Variants in LHPP observed in about 807,000 individuals in gnomAD.
LHPP encodes the protein phospholysine phosphohistidine inorganic pyrophosphate phosphatase.
In LHPP, 24 loss-of-function variants were observed where a neutral mutation model predicts 30.3. That is an observed-to-expected ratio of 0.79 (90% CI 0.57 to 1.11). The LOEUF (loss-of-function observed/expected upper bound fraction) is 1.11, where lower values mean the gene tolerates loss of function less well. Ranked by LOEUF, LHPP falls within the 50% of genes most tolerant of loss-of-function variation. The probability of loss-of-function intolerance (pLI) is 0.00; values close to 1 mark genes in which losing one functional copy is unlikely to be tolerated. For synonymous variants in LHPP, 150 were observed against 157.1 expected, an observed-to-expected ratio of 0.95 and a Z score of 0.34; for missense variants, 356 against 367.2, an observed-to-expected ratio of 0.97 and a Z score of 0.25.
At position 124,509,115 on chromosome 10, in the gene LHPP, A is replaced by G. The variant is rs573613989; in HGVS notation, c.625-8065A>G. On this transcript the variant is annotated intron_variant, in intron 5 of 6. Transcript: ENST00000368842. The stretch of plus-strand genomic sequence containing the variant: ...ATTTAGCCCCCACTTATAAGTGCAA[A>G]CACACAGTATTTGGTTTTCTGTTCC... Among the ~76,000 whole-genome samples, 3 of 152,200 alleles carry G rather than the reference A, an allele frequency of 2.0e-5. No individual in the cohort carries two copies. In the South Asian group the frequency reaches 6.2e-4, roughly 32 times the overall value.
At chr10:124,465,024 G>A (rs1277416662) in intron 1 of LHPP, among the ~76,000 whole-genome samples, 1 of 152,166 alleles carries the variant, frequency 6.6e-6, no homozygotes, top group East Asian at 1.9e-4. Context: ...TCACAGGTGG[G>A]CACACGGGTA....
intron 6 of LHPP, among the ~76,000 whole-genome samples, chr10:124,538,347 G>A (rs1308763046): frequency 6.6e-6 from 1 of 152,220 alleles, no homozygotes; most frequent in Non-Finnish European, 1.5e-5. Context: ...CTTCCTGGCA[G>A]TGAGGTCTCC....
At chr10:124,536,200 C>A (rs969575403) in intron 6 of LHPP, among the ~76,000 whole-genome samples, 6 of 152,246 alleles carry the variant, frequency 3.9e-5, no homozygotes, top group Non-Finnish European at 7.3e-5. Flanking sequence ...CTTGGGCCTG[C>A]CTTTTGGCTT....
chr10:124,499,705 CTG>C (rs1953846266), intron 5 of LHPP, among the ~76,000 whole-genome samples: 2 of 151,928 alleles, frequency 1.3e-5, no homozygotes, highest in Non-Finnish European at 2.9e-5. Context: ...GGCTGTCCTG[CTG>C]CCTCCTCAGA....
At chr10:124,530,084 A>G (rs909318795) in intron 6 of LHPP, among the ~76,000 whole-genome samples, 10 of 152,048 alleles carry the variant, frequency 6.6e-5, no homozygotes, top group African/African-American at 2.2e-4. Flanking sequence ...GGACACCCCA[A>G]TGCGGGGAGG....
intron 6 of LHPP, among the ~76,000 whole-genome samples, chr10:124,525,198 T>C (rs1393975166): frequency 6.6e-6 from 1 of 152,222 alleles, no homozygotes; most frequent in Non-Finnish European, 1.5e-5. Context: ...TCGTGTCCTC[T>C]GTGGCTCCAA....
intron 1 of LHPP, among the ~76,000 whole-genome samples, chr10:124,470,142 G>T (rs1351668423): frequency 6.6e-6 from 1 of 152,162 alleles, no homozygotes; most frequent in Non-Finnish European, 1.5e-5. Context: ...TCCCCGAGGG[G>T]AGCCATTCAG....
chr10:124,491,910 G>A lies in LHPP; in HGVS notation c.467+3335G>A, dbSNP rs559043045. 3.0e-4 allele frequency among the ~76,000 whole-genome samples: 45 copies of A among 152,324 alleles called. No individual in the cohort carries two copies. In the East Asian group the frequency reaches 8.5e-3, roughly 29 times the overall value. ...ATTGCACTCTAGCCTGGGCGACAGA[G>A]CAAGACTCCATCTCGAAAAAAACAA... On this transcript the variant is annotated intron_variant, in intron 3 of 6. Transcript: ENST00000368842.
At chr10:124,518,041 G>T (rs925078585) in intron 6 of LHPP, among the ~76,000 whole-genome samples, 3 of 152,232 alleles carry the variant, frequency 2.0e-5, no homozygotes, top group Non-Finnish European at 4.4e-5. Context: ...AGTTACATTT[G>T]TCCTGAGAGA....
intron 6 of LHPP, among the ~76,000 whole-genome samples, chr10:124,582,349 G>A (rs1948753838): frequency 6.6e-6 from 1 of 152,200 alleles, no homozygotes; most frequent in Admixed American, 6.5e-5. Flanking sequence ...CCCTCAAAGT[G>A]TTGGGATTAT....
chr10:124,481,121 C>A (rs1814506630), intron 1 of LHPP, among the ~76,000 whole-genome samples: 1 of 152,164 alleles, frequency 6.6e-6, no homozygotes, highest in Non-Finnish European at 1.5e-5. Context: ...CGAATAGATT[C>A]ATCCCTGAAC....
At chr10:124,560,872 G>A (rs928209140) in intron 6 of LHPP, among the ~76,000 whole-genome samples, 1 of 152,234 alleles carries the variant, frequency 6.6e-6, no homozygotes, top group Non-Finnish European at 1.5e-5. Context: ...TCAAAACCGT[G>A]AAGAGCATTT....
intron 2 of LHPP, among the ~76,000 whole-genome samples, chr10:124,487,442 C>CTTTTTTTTTT (rs140426240): frequency 9.3e-6 from 1 of 107,788 alleles, no homozygotes; most frequent in African/African-American, 3.9e-5. Context: ...TTCTTTCTTT[C>CTTTTTTTTTT]TTTTTTTTTT....
In LHPP at chr10:124,590,656, A is replaced by G. The variant is rs1948872403; in HGVS notation, c.717-22608A>G. 6.6e-6 allele frequency among the ~76,000 whole-genome samples: 1 copy of G among 152,196 alleles called. No individual in the cohort carries two copies. The highest frequency in any genetic ancestry group is 1.5e-5 in the Non-Finnish European group (1 of 68,030). ...CACCCGCACAGTGTACCTGTCCCAC[A>G]GTGGCACCAACAAGGCTCAGCTGAG... On this transcript the variant is annotated intron_variant, in intron 6 of 6. Coordinates refer to ENST00000368842, the MANE Select transcript of LHPP (RefSeq NM_022126.4). This position sits in a 1 kb window ranked among gnomAD's most constrained non-coding sequence, Gnocchi z 4.3.
intron 6 of LHPP, among the ~76,000 whole-genome samples, chr10:124,599,313 C>G (rs569195245): frequency 6.6e-6 from 1 of 152,246 alleles, no homozygotes; most frequent in Non-Finnish European, 1.5e-5. Context: ...CAGGCGAGCA[C>G]CTGCCATGCC....
Position 124,461,838 on chromosome 10 carries a change from G to A in LHPP, c.-25G>A, listed in dbSNP as rs1403422731. The A allele has an allele frequency of 8.1e-7, 1 of 1,232,462 alleles. No homozygotes were observed. The highest frequency in any genetic ancestry group is 1.6e-5 in the African/African-American group (1 of 64,486). 76.3% of individuals were successfully genotyped at this position (1,232,462 alleles called of 1,614,324 possible). A position where few individuals can be genotyped will look rare whatever the true frequency, so the allele number is the denominator to read the frequency against. ...CGGCGCCGGCGTCGGTTGGGACGCG[G>A]AGCTGAGGAGCAGGGCCGGGCGCCA... is the stretch of plus-strand genomic sequence containing the variant. On this transcript the variant is annotated 5_prime_UTR_variant, in exon 1 of 7. Transcript: ENST00000368842.
intron 6 of LHPP, among the ~76,000 whole-genome samples, chr10:124,567,835 G>A (rs992207914): frequency 6.6e-6 from 1 of 152,366 alleles, no homozygotes; most frequent in Non-Finnish European, 1.5e-5. Flanking sequence ...GTGCACACAC[G>A]AGTGCACAGA....
chr10:124,568,745 G>T (rs1158720843), intron 6 of LHPP, among the ~76,000 whole-genome samples: 1 of 152,176 alleles, frequency 6.6e-6, no homozygotes, highest in Admixed American at 6.5e-5. Flanking sequence ...TGTCCCCAGG[G>T]CAGTGAGGAG....
At chr10:124,491,289 G>A (rs985850759) in intron 3 of LHPP, among the ~76,000 whole-genome samples, 3 of 152,208 alleles carry the variant, frequency 2.0e-5, no homozygotes, top group African/African-American at 7.2e-5. Context: ...TTCCATCTTC[G>A]GTGCTTTCGT....
Sources: allele counts gnomAD v4.1 joint callset (sites outside exome capture counted in the v4.1 genomes callset), GRCh38; gene constraint gnomAD v4.1.1; non-coding constraint Gnocchi (gnomAD v3.1); transcripts MANE v1.5; gene names NCBI Gene and HGNC (gene_info 2026-07-23, HGNC 2026-07-21).